LYN: variants seen among roughly 807,000 people sequenced by gnomAD.
The protein encoded by LYN is tyrosine-protein kinase Lyn.
A neutral mutation model predicts 65.0 loss-of-function variants in LYN; 12 were observed. The observed-to-expected ratio is 0.18, with a 90% confidence interval of 0.12 to 0.30. LYN has a LOEUF of 0.30. Ranked by LOEUF, LYN falls within the 10% of genes least tolerant of loss-of-function variation. The probability of loss-of-function intolerance (pLI) is 1.00; values close to 1 mark genes in which losing one functional copy is unlikely to be tolerated. For missense variants in LYN, 380 were observed against 623.2 expected (o/e 0.61, Z 4.16); for synonymous variants, 222 against 221.2 (o/e 1.00, Z -0.03).
intron 10 of LYN, among the ~76,000 whole-genome samples, chr8:55,996,685 C>T (rs1808378577): frequency 6.6e-6 from 1 of 151,880 alleles, no homozygotes; most frequent in Non-Finnish European, 1.5e-5. Context: ...CCTTCCTTCT[C>T]CTTAACTTTA....
chr8:55,885,119 C>T (rs72651457), intron 1 of LYN, among the ~76,000 whole-genome samples: 20,712 of 152,144 alleles, frequency 0.14, 1,776 homozygotes, highest in Middle Eastern at 0.21. Context: ...ATGAGCTGAC[C>T]GTGTATGGGA....
rs529352036 is a variant in LYN at position 55,910,744 on chromosome 8, C to T, written c.-6+30641C>T. 1.8e-4 allele frequency among the ~76,000 whole-genome samples: 27 copies of T among 152,178 alleles called. No homozygotes were observed. The South Asian group carries it at 5.6e-3, about 32-fold the overall frequency. On this transcript the variant is annotated intron_variant, in intron 1 of 12. Transcript: ENST00000519728. The stretch of plus-strand genomic sequence containing the variant: ...ATTTTCTTCCCAATAAGGCTATAAG[C>T]TTAAGTCAAAAATTGTTTTGCTTAT...
In LYN at chr8:55,971,994, G is replaced by C. The variant is rs1037858053; in HGVS notation, c.1050+2201G>C. Among the ~76,000 whole-genome samples the C allele has an allele frequency of 2.0e-5, 3 of 152,096 alleles. No homozygotes were observed. The South Asian group carries it at 6.2e-4, about 32-fold the overall frequency. On this transcript the variant is annotated intron_variant, in intron 10 of 12. Coordinates refer to ENST00000519728, the MANE Select transcript of LYN (RefSeq NM_002350.4). ...TCAACTGATGGGGCTGAGCCCCCTCGGTGACAGGAGGGCCTGGGGGCAATC... is the reference window on the plus strand; with the variant it reads ...TCAACTGATGGGGCTGAGCCCCCTCCGTGACAGGAGGGCCTGGGGGCAATC...
intron 1 of LYN, among the ~76,000 whole-genome samples, chr8:55,909,017 A>ATTATGTG (rs1805516387): frequency 3.4e-5 from 1 of 29,676 alleles, no homozygotes; most frequent in African/African-American, 2.1e-4. Context: ...ATATACACAC[A>ATTATGTG]CACACACACA....
intron 10 of LYN, among the ~76,000 whole-genome samples, chr8:55,986,299 T>A (rs6988731): frequency 0.11 from 16,443 of 152,000 alleles, 1,754 homozygotes; most frequent in African/African-American, 0.28. Context: ...CTGCCAGCAG[T>A]GTGTGAGATT....
At chr8:55,901,176 G>A (rs930592861) in intron 1 of LYN, among the ~76,000 whole-genome samples, 6 of 151,918 alleles carry the variant, frequency 3.9e-5, no homozygotes, top group Admixed American at 6.6e-5. Context: ...CCTTCCCCCC[G>A]TAATACTTTA....
intron 1 of LYN, 125 bp from the exon 2 acceptor site, chr8:55,941,730 T>G: frequency 4.8e-6 from 3 of 620,278 alleles, no homozygotes; most frequent in Non-Finnish European, 8.1e-6. Context: ...ACTTTGAGTT[T>G]ATTAATCTAT....
At chr8:55,986,011 TAAAC>T (rs1409807180) in intron 10 of LYN, among the ~76,000 whole-genome samples, 2 of 151,974 alleles carry the variant, frequency 1.3e-5, no homozygotes, top group East Asian at 3.9e-4. Context: ...TACAAAAAAA[TAAAC>T]AAAATTAGTT....
intron 1 of LYN, among the ~76,000 whole-genome samples, chr8:55,922,441 C>T (rs893318063): frequency 7.9e-5 from 12 of 151,202 alleles, no homozygotes; most frequent in African/African-American, 2.9e-4. Flanking sequence ...ATTAATTTAT[C>T]TAATCAGGTA....
In LYN at chr8:55,953,962, G is replaced by C; in HGVS notation, c.768G>C (p.Gly256=). Residue 256 remains glycine, a synonymous_variant, in exon 8 of 13, where the codon GGG becomes GGC. Coordinates refer to ENST00000519728, the MANE Select transcript of LYN (RefSeq NM_002350.4). ...AGTTGGTGAAAAGGCTTGGCGCTGG[G>C]CAGTTTGGGGAAGTCTGGATGGGTA... ...SIKLVKRLGA[G]QFGEVWMGYY... The C allele has an allele frequency of 6.2e-7, 1 of 1,614,064 alleles. No individual in the cohort carries two copies. The highest frequency in any genetic ancestry group is 1.1e-5 in the South Asian group (1 of 91,078).
intron 12 of LYN, among the ~76,000 whole-genome samples, chr8:56,005,887 C>CAGCCT (rs1585686836): frequency 6.6e-6 from 1 of 152,044 alleles, no homozygotes; most frequent in East Asian, 1.9e-4. Context: ...AATTTGAGAC[C>CAGCCT]AGCCTGGGCA....
At chr8:55,965,229 C>G (rs549825492) in intron 8 of LYN, among the ~76,000 whole-genome samples, 1 of 152,244 alleles carries the variant, frequency 6.6e-6, no homozygotes, top group Middle Eastern at 3.4e-3. Flanking sequence ...TCAGTATTGC[C>G]CAGAGCGTGT....
chr8:55,926,600 C>A (rs72651481), intron 1 of LYN, among the ~76,000 whole-genome samples: 16,220 of 152,250 alleles, frequency 0.11, 1,190 homozygotes, highest in Middle Eastern at 0.28. Flanking sequence ...TAATGAAATT[C>A]TATTGTATTT....
At position 55,945,839 on chromosome 8, in the gene LYN, G is replaced by T. The variant is rs1215858644; in HGVS notation, c.133-609G>T. Among the ~76,000 whole-genome samples the T allele has an allele frequency of 3.9e-5, 6 of 152,314 alleles. 1 individual carries two copies. The highest frequency in any genetic ancestry group is 2.4e-5 in the African/African-American group (1 of 41,568). On this transcript the variant is annotated intron_variant, in intron 2 of 12. Transcript: ENST00000519728. ...CTTGCTCTCAGCCTCCAGGGACAGAGCCCTGACCATGCAATTTTATACAAT... is the reference window on the plus strand; with the variant it reads ...CTTGCTCTCAGCCTCCAGGGACAGATCCCTGACCATGCAATTTTATACAAT...
chr8:55,985,372 G>A (rs1417866159), intron 10 of LYN, among the ~76,000 whole-genome samples: 8 of 152,186 alleles, frequency 5.3e-5, no homozygotes, highest in Non-Finnish European at 7.3e-5. Context: ...GAGAGCAGAC[G>A]TCACAGGCTT....
chr8:55,966,368 A>T (rs78066822), intron 8 of LYN, among the ~76,000 whole-genome samples: 2 of 147,822 alleles, frequency 1.4e-5, no homozygotes, highest in African/African-American at 5.0e-5. Context: ...TGAAGTTTTA[A>T]TTTTTTTTTT....
At chr8:55,979,328 C>A (rs1191475187) in intron 10 of LYN, among the ~76,000 whole-genome samples, 1 of 152,216 alleles carries the variant, frequency 6.6e-6, no homozygotes, top group African/African-American at 2.4e-5. Context: ...AGGCGTCAGC[C>A]ACCGTGCCCA....
chr8:55,992,657 A>G (rs1808281282), intron 10 of LYN, among the ~76,000 whole-genome samples: 1 of 152,180 alleles, frequency 6.6e-6, no homozygotes, highest in Non-Finnish European at 1.5e-5. Context: ...ATTTTGTTGC[A>G]ATCCTAAAAT....
intron 1 of LYN, among the ~76,000 whole-genome samples, chr8:55,933,764 T>C (rs922470363): frequency 3.3e-5 from 5 of 152,256 alleles, no homozygotes; most frequent in South Asian, 4.1e-4. Flanking sequence ...CTGTTCTAGA[T>C]GCCAATCTTC....
Sources: gnomAD v4.1 joint callset for allele counts (sites outside exome capture counted in the v4.1 genomes callset) on GRCh38, gnomAD v4.1.1 for gene constraint, MANE v1.5 for transcripts, NCBI Gene and HGNC (gene_info 2026-07-23, HGNC 2026-07-21) for gene names.